The following SMG1 variants were observed in gnomAD, a reference collection of about 807,000 sequenced individuals.
SMG1 encodes SMG1 nonsense mediated mRNA decay associated PI3K related kinase, also known as serine/threonine-protein kinase SMG1.
In SMG1, 22 loss-of-function variants were observed where a neutral mutation model predicts 419.9. The observed-to-expected ratio is 0.05, with a 90% CI of 0.04 to 0.07. The LOEUF (loss-of-function observed/expected upper bound fraction) is 0.07, where lower values mean the gene tolerates loss of function less well. Among genes scored for constraint, SMG1 ranks in the 10% least tolerant of loss-of-function variants. The pLI is 1.00. For missense variants in SMG1, 3,185 were observed against 4,342.0 expected (o/e 0.73, Z 7.49); for synonymous variants, 1,538 against 1,553.5 (o/e 0.99, Z 0.23).
At chr16:18,827,856 C>CTATATA (rs66730720) in intron 55 of SMG1, among the ~76,000 whole-genome samples, 175 bp downstream of exon 55, 98 of 143,822 alleles carry the variant, frequency 6.8e-4, no homozygotes, top group East Asian at 1.2e-3. Context: ...ATATATATAC[C>CTATATA]TATATATATA....
intron 1 of SMG1, chr16:18,911,859 A>G (rs1191925350): frequency 6.6e-6 from 1 of 152,086 alleles, no homozygotes; most frequent in Non-Finnish European, 1.5e-5. Context: ...AAGCGGATGT[A>G]TCACCTGAGA....
At position 18,805,118 on chromosome 16, in the gene SMG1, T is replaced by G. The variant is rs2030704651; in HGVS notation, c.*4451A>C. ...TAAGACAAGGAAGATTCAGTTCAACTCAACTTGCTCTTAGAATAAGGGTAA... is the reference window on the plus strand; with the variant it reads ...TAAGACAAGGAAGATTCAGTTCAACGCAACTTGCTCTTAGAATAAGGGTAA... On this transcript the variant is annotated 3_prime_UTR_variant, in exon 63 of 63. Transcript: ENST00000446231. 1 of 152,600 alleles carries G rather than the reference T, an allele frequency of 6.6e-6. No homozygotes were observed. Among genetic ancestry groups the G allele is most frequent in the African/African-American group, 2.4e-5 (1 of 41,464 alleles). 9.5% of individuals were successfully genotyped at this position (152,600 alleles called of 1,614,324 possible).
Position 18,848,031 on chromosome 16 carries a change from T to G in SMG1, c.5626A>C (p.Asn1876His). The G allele has an allele frequency of 6.2e-7, 1 of 1,611,526 alleles. No individual in the cohort carries two copies. Among genetic ancestry groups the G allele is most frequent in the Non-Finnish European group, 8.5e-7 (1 of 1,177,846 alleles). ...SLSSESQASGNKFSTAIPTLL... is the reference protein window; with the variant it reads ...SLSSESQASGHKFSTAIPTLL... ...GTTGGAATTGCAGTGGAAAATTTAT[T>G]TCCTGTAATGAAATAGGAGAACAAG... The change falls in exon 37 of 63, where the codon AAT (asparagine) becomes CAT (histidine). Residue 1876 changes from asparagine (N) to histidine (H), a missense_variant and splice_region_variant. Asn to His is a moderately conservative substitution (Grantham distance 68). Around this residue, in one of 27 missense-constraint regions of SMG1, gnomAD observed 130 missense variants for 162.0 expected, o/e 0.80. Transcript: ENST00000446231.
At chr16:18,885,771 C>A in intron 6 of SMG1, 105 bp from the exon 7 acceptor site, 8 of 1,049,514 alleles carry the variant, frequency 7.6e-6, no homozygotes, top group East Asian at 2.5e-5. Flanking sequence ...GAATATGAGA[C>A]CAAGAAAAAT....
chr16:18,859,790 C>G lies in SMG1; in HGVS notation c.3806-87G>C, dbSNP rs1389130997. 1.1e-5 allele frequency: 9 copies of G among 852,824 alleles called. No homozygotes were observed. In the East Asian group the frequency reaches 2.3e-4, roughly 21 times the overall value. 52.8% of individuals were successfully genotyped at this position (852,824 alleles called of 1,614,324 possible). A position where few individuals can be genotyped will look rare whatever the true frequency, so the allele number is the denominator to read the frequency against. On this transcript the variant is annotated intron_variant, in intron 26 of 62. Transcript: ENST00000446231. ...GTTTGGCATTATTAAAAACTAATCACCAATGAACAGCTCCTTTAATATTTA... is the reference window on the plus strand; with the variant it reads ...GTTTGGCATTATTAAAAACTAATCAGCAATGAACAGCTCCTTTAATATTTA...
At chr16:18,844,570 TCA>T (rs56381713) in intron 39 of SMG1, among the ~76,000 whole-genome samples, 1 of 88,520 alleles carries the variant, frequency 1.1e-5, no homozygotes, top group Non-Finnish European at 2.2e-5. Context: ...CATCCTTCTC[TCA>T]CACACACACA....
intron 29 of SMG1, 160 bp downstream of exon 29, chr16:18,858,010 C>T (rs1272878539): frequency 1.7e-5 from 9 of 517,828 alleles, no homozygotes; most frequent in African/African-American, 8.0e-5. Context: ...TGGGGTAAGA[C>T]GGTGTTCTGT....
intron 54 of SMG1, 149 bp from the exon 55 acceptor site, chr16:18,828,317 G>A: frequency 1.4e-6 from 1 of 693,188 alleles, no homozygotes; most frequent in Non-Finnish European, 2.3e-6. Context: ...TAACAGAAAA[G>A]ACACACTGAA....
Position 18,839,875 on chromosome 16 carries a change from T to C in SMG1, c.6768A>G (p.Lys2256=), listed in dbSNP as rs775809426. 6 of 1,612,470 alleles carry C rather than the reference T, an allele frequency of 3.7e-6. No homozygotes were observed. Among genetic ancestry groups the C allele is most frequent in the Non-Finnish European group, 5.1e-6 (6 of 1,179,120 alleles). The change falls in exon 42 of 63, where the codon AAA becomes AAG. Residue 2256 remains lysine, a synonymous_variant. Coordinates refer to ENST00000446231, the MANE Select transcript of SMG1 (RefSeq NM_015092.5). ...VPRPSELYYS[K]IGPALKTVGL... ...CAACTGTTTTCAAAGCAGGGCCAAT[T>C]TTACTGTAATAAAGTTCACTAGGAC...
In SMG1 at chr16:18,926,277, G is replaced by A; in HGVS notation, c.-236C>T. The A allele has an allele frequency of 5.7e-6, 3 of 523,554 alleles. No homozygotes were observed. The South Asian group carries it at 7.5e-5, about 13-fold the overall frequency. The allele number at this position is 523,554 out of a possible 1,614,324, so 32.4% of individuals were successfully genotyped here. On this transcript the variant is annotated 5_prime_UTR_variant, in exon 1 of 63. Coordinates refer to ENST00000446231, the MANE Select transcript of SMG1 (RefSeq NM_015092.5). Reference sequence around the variant, plus strand: ...GACGAGGAGGCGGGAGCGGCGCGGTGAGAGAGAGGCGGATGAAGGGGAGGC... The same window carrying A: ...GACGAGGAGGCGGGAGCGGCGCGGTAAGAGAGAGGCGGATGAAGGGGAGGC...
At chr16:18,867,543 AAAT>A (rs1339864048) in intron 22 of SMG1, among the ~76,000 whole-genome samples, 1 of 150,426 alleles carries the variant, frequency 6.6e-6, no homozygotes, top group Non-Finnish European at 1.5e-5. Flanking sequence ...ATAAATAAAT[AAAT>A]AAATAAATAA....
At chr16:18,839,125 T>G (rs2033758054) in intron 42 of SMG1, among the ~76,000 whole-genome samples, 1 of 152,142 alleles carries the variant, frequency 6.6e-6, no homozygotes, top group Non-Finnish European at 1.5e-5. Flanking sequence ...GGATTACAGA[T>G]GTGAGCCACT....
At chr16:18,876,524 T>C in intron 12 of SMG1, 131 bp from the exon 13 acceptor site, 1 of 1,194,496 alleles carries the variant, frequency 8.4e-7, no homozygotes, top group Non-Finnish European at 1.2e-6. Flanking sequence ...TCACTGTCCG[T>C]AGCACTTAAT....
chr16:18,858,126 A>G (rs1256406125), intron 29 of SMG1, 44 bp downstream of exon 29: 4 of 1,507,976 alleles, frequency 2.7e-6, no homozygotes, highest in Non-Finnish European at 3.6e-6. Context: ...ATTTAAAAAA[A>G]GAACACCTTT....
chr16:18,862,152 T>C (rs1419614271), intron 25 of SMG1, among the ~76,000 whole-genome samples: 2 of 152,192 alleles, frequency 1.3e-5, no homozygotes, highest in Non-Finnish European at 2.9e-5. Flanking sequence ...TCTAGCTGCT[T>C]CTGTCTCTCT....
chr16:18,818,403 T>A (rs1050331239), intron 56 of SMG1, among the ~76,000 whole-genome samples: 24 of 149,898 alleles, frequency 1.6e-4, no homozygotes, highest in East Asian at 5.9e-4. Flanking sequence ...ACAAAAAAAA[T>A]TTTTTTTTTG....
intron 1 of SMG1, among the ~76,000 whole-genome samples, chr16:18,915,108 A>C (rs554238356): frequency 6.6e-6 from 1 of 151,952 alleles, no homozygotes; most frequent in Non-Finnish European, 1.5e-5. Flanking sequence ...AATAGCTGGG[A>C]CTACAGGTGT....
In SMG1 at chr16:18,816,389, C is replaced by T. The variant is rs1205785009; in HGVS notation, c.10215G>A (p.Gln3405=). The change falls in exon 58 of 63, where the codon CAG becomes CAA. Residue 3405 remains glutamine, a synonymous_variant. Coordinates refer to ENST00000446231, the MANE Select transcript of SMG1 (RefSeq NM_015092.5). ...QQIETVCETI[Q]NLVDNIKTVL... ...CAGTCTTTATATTATCAACCAGATT[C>T]TGAATTGTTTCACAGACCGTTTCTA... 1.9e-6 allele frequency: 3 copies of T among 1,613,904 alleles called. No homozygotes were observed. The highest frequency in any genetic ancestry group is 2.5e-6 in the Non-Finnish European group (3 of 1,179,856).
chr16:18,900,076 A>G lies in SMG1; in HGVS notation c.93-3120T>C, dbSNP rs2037286139. 20 of 1,146,348 alleles carry G rather than the reference A, an allele frequency of 1.7e-5. 1 individual carries two copies. The South Asian group carries it at 2.5e-4, about 15-fold the overall frequency. The allele number at this position is 1,146,348 out of a possible 1,614,324, so 71.0% of individuals were successfully genotyped here. Reference sequence around the variant, plus strand: ...GACAGTAGTTACAATATTAGTGAAGACAGTGGGTTAAAACATTTGTTGTTC... The same window carrying G: ...GACAGTAGTTACAATATTAGTGAAGGCAGTGGGTTAAAACATTTGTTGTTC... On this transcript the variant is annotated intron_variant, in intron 1 of 62. Transcript: ENST00000446231.
Sources: allele counts gnomAD v4.1 joint callset (sites outside exome capture counted in the v4.1 genomes callset), GRCh38; gene constraint gnomAD v4.1.1; regional missense constraint gnomAD v4.1.1; transcripts MANE v1.5; gene names NCBI Gene and HGNC (gene_info 2026-07-23, HGNC 2026-07-21).